Variants in SYTL2 observed in about 807,000 individuals in gnomAD.
The protein encoded by SYTL2 is synaptotagmin-like protein 2.
In SYTL2, 165 loss-of-function variants were observed where a neutral mutation model predicts 198.7. The ratio of observed to expected loss-of-function variants is 0.83; its 90% CI spans 0.73 to 0.94. The LOEUF (loss-of-function observed/expected upper bound fraction) is 0.94. Among genes scored for constraint, SYTL2 ranks in the 40% least tolerant of loss-of-function variants. The pLI, the probability that SYTL2 is intolerant of heterozygous loss-of-function variation, is 0.00. For missense variants in SYTL2, 2,835 were observed against 2,582.8 expected (o/e 1.10, Z -2.12); for synonymous variants, 966 against 917.7 (o/e 1.05, Z -0.95).
chr11:85,789,352 A>ATATATATATATATATATG (rs2092691127), intron 1 of SYTL2, among the ~76,000 whole-genome samples: 6 of 36,986 alleles, frequency 1.6e-4, no homozygotes, highest in Non-Finnish European at 3.4e-4. Context: ...ATATATATAT[A>ATATATATATATATATATG]TATATATATA....
chr11:85,730,114 C>A (rs1040377187), intron 7 of SYTL2, among the ~76,000 whole-genome samples: 2 of 151,930 alleles, frequency 1.3e-5, no homozygotes, highest in Non-Finnish European at 2.9e-5. Flanking sequence ...GCCTAGCAAC[C>A]AAAAAAAGTC....
At chr11:85,698,151 C>A in intron 17 of SYTL2, 73 bp from the exon 18 acceptor site, 1 of 990,146 alleles carries the variant, frequency 1.0e-6, no homozygotes. Flanking sequence ...AAGATGTCAG[C>A]CTAAAAATGT....
intron 2 of SYTL2, among the ~76,000 whole-genome samples, chr11:85,756,195 C>T (rs2153547317): frequency 6.6e-6 from 1 of 152,280 alleles, no homozygotes; most frequent in East Asian, 1.9e-4. Flanking sequence ...TACCAAGAGG[C>T]TCTAATGCCT....
the SYTL2 span, among the ~76,000 whole-genome samples, chr11:85,829,005 TAAG>T: frequency 6.6e-6 from 1 of 151,904 alleles, no homozygotes; most frequent in African/African-American, 2.4e-5. Flanking sequence ...TTAGGGAAGG[TAAG>T]AAGACAGGAT....
chr11:85,703,100 GA>G (rs2084594770), intron 16 of SYTL2, among the ~76,000 whole-genome samples: 1 of 151,860 alleles, frequency 6.6e-6, no homozygotes, highest in South Asian at 2.1e-4. Flanking sequence ...TGAAATATAA[GA>G]AAAAAAGTAT....
chr11:85,813,198 G>C (rs1436797812), upstream of SYTL2, among the ~76,000 whole-genome samples: 3 of 152,066 alleles, frequency 2.0e-5, no homozygotes, highest in African/African-American at 4.8e-5. Context: ...AATCTTGTAT[G>C]GCTCAGAGAC....
the SYTL2 span, among the ~76,000 whole-genome samples, chr11:85,836,069 G>C: frequency 3.9e-5 from 6 of 152,248 alleles, no homozygotes; most frequent in Admixed American, 6.5e-5. Flanking sequence ...TAGCTGCATA[G>C]CATCAAGAGA....
At chr11:85,749,224 C>T (rs1483891349) in intron 2 of SYTL2, among the ~76,000 whole-genome samples, 1 of 152,148 alleles carries the variant, frequency 6.6e-6, no homozygotes, top group Non-Finnish European at 1.5e-5. Flanking sequence ...TTAACCTCTC[C>T]ATCTCTCTAT....
the SYTL2 span, among the ~76,000 whole-genome samples, chr11:85,846,380 G>A: frequency 1.3e-5 from 2 of 152,306 alleles, no homozygotes; most frequent in South Asian, 2.1e-4. Context: ...CTCTTGAAGA[G>A]AGGAGTGTTA....
chr11:85,852,598 G>C, the SYTL2 span: 3 of 174,922 alleles, frequency 1.7e-5, no homozygotes, highest in South Asian at 3.6e-4. Flanking sequence ...CTGATCTCCA[G>C]CTCCTAACCG....
chr11:85,854,069 G>T, the SYTL2 span: 2 of 152,010 alleles, frequency 1.3e-5, no homozygotes, highest in African/African-American at 4.8e-5. Flanking sequence ...ACTCCTTACC[G>T]CAAGCAATCT....
chr11:85,702,892 G>T (rs1415803080), intron 16 of SYTL2, among the ~76,000 whole-genome samples: 2 of 152,116 alleles, frequency 1.3e-5, no homozygotes, highest in East Asian at 3.8e-4. Flanking sequence ...AAATAACTTT[G>T]CATGCTATAT....
chr11:85,809,238 T>C (rs1343576110), intron 1 of SYTL2, among the ~76,000 whole-genome samples: 1 of 152,214 alleles, frequency 6.6e-6, no homozygotes, highest in Non-Finnish European at 1.5e-5. Flanking sequence ...ACGGGTCAGA[T>C]GTGGACAATC....
At chr11:85,851,000 G>A in the SYTL2 span, among the ~76,000 whole-genome samples, 1 of 136,600 alleles carries the variant, frequency 7.3e-6, no homozygotes, top group Non-Finnish European at 1.5e-5. Context: ...CACAGGAAGG[G>A]GAATATCACA....
intron 1 of SYTL2, among the ~76,000 whole-genome samples, chr11:85,787,701 C>CTTTTTTTTTTTTTTTTTTTTTTTTT (rs56177666): frequency 2.2e-5 from 2 of 90,396 alleles, no homozygotes; most frequent in Non-Finnish European, 4.9e-5. Context: ...TTTTCTTTTC[C>CTTTTTTTTTTTTTTTTTTTTTTTTT]TTTTTTTTTT....
intron 1 of SYTL2, 42 bp downstream of exon 1, chr11:85,810,912 A>G (rs1310427386): frequency 6.6e-6 from 1 of 152,342 alleles, no homozygotes; most frequent in Admixed American, 6.5e-5. Context: ...CCGAGGTAAC[A>G]CAGCGAGTGG....
chr11:85,726,143 C>G lies in SYTL2; in HGVS notation c.3215G>C (p.Ser1072Thr). 2 of 1,614,030 alleles carry G rather than the reference C, an allele frequency of 1.2e-6. No homozygotes were observed. The highest frequency in any genetic ancestry group is 1.7e-6 in the Non-Finnish European group (2 of 1,179,982). Reference protein sequence around the residue: ...VLPDEITFPLSPLRKYTYQLP... With the variant: ...VLPDEITFPLTPLRKYTYQLP... ...CTGATAAGTATACTTTCTAAGTGGACTCAAAGGAAATGTGATTTCATCTGG... is the reference window on the plus strand; with the variant it reads ...CTGATAAGTATACTTTCTAAGTGGAGTCAAAGGAAATGTGATTTCATCTGG... Residue 1072 changes from serine to threonine, a missense_variant, in exon 8 of 20, where the codon AGT becomes ACT. Coordinates refer to ENST00000359152, the MANE Select transcript of SYTL2 (RefSeq NM_206927.4).
Position 85,748,334 on chromosome 11 carries a change from T to C in SYTL2, c.191A>G (p.Asp64Gly). The change falls in exon 3 of 20, where the codon GAC (aspartate) becomes GGC (glycine). Residue 64 changes from aspartate to glycine, a missense_variant. Physicochemically the swap from Asp to Gly is moderately conservative, Grantham distance 94. This residue lies in a region of SYTL2 where 2,645 missense variants were observed against 2,381.7 expected (regional missense o/e 1.11). Coordinates refer to ENST00000359152, the MANE Select transcript of SYTL2 (RefSeq NM_206927.4). ...GATGATATCTGCGCCATGGATTTTG[T>C]CCCTGTGCCTTTTTGCCTTGGCTTC... Reference protein sequence around the residue: ...FYEAKAKRHRDKIHGADIIRA... With the variant: ...FYEAKAKRHRGKIHGADIIRA... 6.2e-7 allele frequency: 1 copy of C among 1,614,070 alleles called. No individual in the cohort carries two copies. The highest frequency in any genetic ancestry group is 1.1e-5 in the South Asian group (1 of 91,076).
In SYTL2 at chr11:85,724,763, G is replaced by T; in HGVS notation, c.4595C>A (p.Thr1532Lys). Reference protein sequence around the residue: ...NLSPSKLIGSTEEPRRATSEC... With the variant: ...NLSPSKLIGSKEEPRRATSEC... ...AGAAGTGGCTCGCCTGGGCTCCTCTGTACTACCTATTAACTTTGATGGAGA... is the reference window on the plus strand; with the variant it reads ...AGAAGTGGCTCGCCTGGGCTCCTCTTTACTACCTATTAACTTTGATGGAGA... Residue 1532 changes from threonine to lysine, a missense_variant, in exon 8 of 20, where the codon ACA becomes AAA. Physicochemically the swap from Thr to Lys is moderately conservative, Grantham distance 78. This residue lies in a region of SYTL2 where 2,645 missense variants were observed against 2,381.7 expected (regional missense o/e 1.11). Coordinates refer to ENST00000359152, the MANE Select transcript of SYTL2 (RefSeq NM_206927.4). 1 of 1,613,202 alleles carries T rather than the reference G, an allele frequency of 6.2e-7. No homozygotes were observed. Among genetic ancestry groups the T allele is most frequent in the Non-Finnish European group, 8.5e-7 (1 of 1,179,746 alleles).
Sources: gnomAD v4.1 joint callset for allele counts (sites outside exome capture counted in the v4.1 genomes callset) on GRCh38, gnomAD v4.1.1 for gene constraint, gnomAD v4.1.1 regional missense constraint, MANE v1.5 for transcripts, NCBI Gene and HGNC (gene_info 2026-07-23, HGNC 2026-07-21) for gene names.